Variants in PCDH9 observed in about 807,000 individuals in gnomAD.
The protein encoded by PCDH9 is protocadherin 9, also known as protocadherin-9.
In PCDH9, 24 loss-of-function variants were observed where a neutral mutation model predicts 70.6. The ratio of observed to expected loss-of-function variants is 0.34; its 90% CI spans 0.25 to 0.48. PCDH9 has a LOEUF of 0.48. PCDH9 is among the 20% of genes least tolerant of loss of function. The pLI is 0.99. For missense variants in PCDH9, 1,281 were observed against 1,503.6 expected (o/e 0.85, Z 2.45); for synonymous variants, 562 against 558.5 (o/e 1.01, Z -0.09).
At chr13:67,149,477 T>C (rs1308805080) in intron 2 of PCDH9, among the ~76,000 whole-genome samples, 1 of 151,906 alleles carries the variant, frequency 6.6e-6, no homozygotes, top group African/African-American at 2.4e-5. Context: ...ATATTTATTA[T>C]TGTGATTATC....
At chr13:66,873,318 A>G (rs2081732571) in intron 3 of PCDH9, among the ~76,000 whole-genome samples, 1 of 152,212 alleles carries the variant, frequency 6.6e-6, no homozygotes, top group African/African-American at 2.4e-5. Flanking sequence ...TATATATTTA[A>G]AATATGCATA....
intron 2 of PCDH9, among the ~76,000 whole-genome samples, chr13:67,145,803 G>A (rs1219830994): frequency 1.3e-5 from 2 of 151,894 alleles, no homozygotes; most frequent in Non-Finnish European, 2.9e-5. Context: ...TGAATGAAAA[G>A]TCTTCCTAAA....
chr13:66,336,112 T>C (rs548373632), intron 4 of PCDH9, among the ~76,000 whole-genome samples: 1 of 152,202 alleles, frequency 6.6e-6, no homozygotes, highest in Admixed American at 6.6e-5. Flanking sequence ...AGGCCCCATC[T>C]GAGGACTCTA....
chr13:66,851,073 G>A (rs936234566), intron 3 of PCDH9, among the ~76,000 whole-genome samples: 1 of 152,160 alleles, frequency 6.6e-6, no homozygotes, highest in African/African-American at 2.4e-5. Flanking sequence ...TTTTGAATAT[G>A]AGGCAATGTA....
intron 4 of PCDH9, among the ~76,000 whole-genome samples, chr13:66,622,006 C>T (rs1480299524): frequency 5.3e-5 from 8 of 152,346 alleles, no homozygotes; most frequent in African/African-American, 1.4e-4. Flanking sequence ...GCTGGAGTTC[C>T]GGGTGGGCGT....
intron 2 of PCDH9, among the ~76,000 whole-genome samples, chr13:67,182,536 C>G (rs1243438271): frequency 1.3e-5 from 2 of 151,926 alleles, no homozygotes; most frequent in Non-Finnish European, 2.9e-5. Flanking sequence ...GAAATGTTCT[C>G]TAAAAATAAA....
chr13:66,967,521 T>G (rs1021168639), intron 2 of PCDH9, among the ~76,000 whole-genome samples: 1 of 152,024 alleles, frequency 6.6e-6, no homozygotes, highest in Non-Finnish European at 1.5e-5. Context: ...TGTTTTAGTG[T>G]AATAGAAATT....
At chr13:67,089,550 C>T (rs9571711) in intron 2 of PCDH9, among the ~76,000 whole-genome samples, 53,243 of 151,724 alleles carry the variant, frequency 0.35, 10,256 homozygotes, top group East Asian at 0.59. Context: ...TTGGACTCTG[C>T]CGTCAAGCAA....
chr13:67,073,793 C>T (rs113215949), intron 2 of PCDH9, among the ~76,000 whole-genome samples: 5 of 152,140 alleles, frequency 3.3e-5, no homozygotes, highest in African/African-American at 1.2e-4. Context: ...TTCTTGAATG[C>T]TAACTAGATG....
intron 2 of PCDH9, among the ~76,000 whole-genome samples, chr13:67,108,996 G>A (rs2086603131): frequency 6.6e-6 from 1 of 152,126 alleles, no homozygotes; most frequent in Non-Finnish European, 1.5e-5. Flanking sequence ...AAATCATGTG[G>A]ACTACTTGAA....
At chr13:66,326,302 T>C (rs75981464) in intron 4 of PCDH9, among the ~76,000 whole-genome samples, 2,985 of 152,072 alleles carry the variant, frequency 0.02, 35 homozygotes, top group Middle Eastern at 0.058. Flanking sequence ...TTATAAACCT[T>C]TTGAGATGGA....
chr13:67,062,416 G>T (rs1310478765), intron 2 of PCDH9, among the ~76,000 whole-genome samples: 2 of 152,142 alleles, frequency 1.3e-5, no homozygotes, highest in Non-Finnish European at 2.9e-5. Flanking sequence ...GGAGAAATCT[G>T]CAGAGGATGC....
At chr13:66,517,654 A>T (rs1464947656) in intron 4 of PCDH9, among the ~76,000 whole-genome samples, 1 of 152,140 alleles carries the variant, frequency 6.6e-6, no homozygotes, top group Non-Finnish European at 1.5e-5. Flanking sequence ...AAACTTCTCA[A>T]TCCATTGCCT....
At chr13:66,491,179 T>C (rs957417199) in intron 4 of PCDH9, among the ~76,000 whole-genome samples, 1 of 152,144 alleles carries the variant, frequency 6.6e-6, no homozygotes, top group Non-Finnish European at 1.5e-5. Context: ...CACACTTGGA[T>C]AGGATTCAGA....
intron 2 of PCDH9, among the ~76,000 whole-genome samples, chr13:67,093,377 C>T (rs1386812255): frequency 6.6e-6 from 1 of 152,002 alleles, no homozygotes; most frequent in Non-Finnish European, 1.5e-5. Flanking sequence ...TCTCTTGAAC[C>T]CGGGAGGCAG....
chr13:67,197,762 G>A (rs146986203), intron 2 of PCDH9, among the ~76,000 whole-genome samples: 1,525 of 151,904 alleles, frequency 0.01, 38 homozygotes, highest in African/African-American at 0.035. Context: ...TAAGGCTGTT[G>A]TATATCTCCA....
At chr13:67,182,966 G>A (rs1350759160) in intron 2 of PCDH9, among the ~76,000 whole-genome samples, 3 of 151,966 alleles carry the variant, frequency 2.0e-5, no homozygotes, top group African/African-American at 7.2e-5. Context: ...AACAAGAATG[G>A]CCCTATTACC....
chr13:66,738,948 C>T (rs1480389930), intron 3 of PCDH9, among the ~76,000 whole-genome samples: 1 of 135,826 alleles, frequency 7.4e-6, no homozygotes, highest in African/African-American at 2.7e-5. Flanking sequence ...CTTCCCCAAT[C>T]TAGCAAGGCA....
In PCDH9 at chr13:66,700,969, T is replaced by C. The variant is rs1220085105; in HGVS notation, c.3139-69558A>G. On this transcript the variant is annotated intron_variant, in intron 3 of 4. Transcript: ENST00000377865. ...ATATATATATATATATATATATATA[T>C]ACTTTTTCACAGGTATAGGGCATTA... Among the ~76,000 whole-genome samples the C allele has an allele frequency of 6.4e-3, 768 of 119,582 alleles. 12 individuals are homozygous for C. The highest frequency in any genetic ancestry group is 0.011 in the Non-Finnish European group (614 of 57,118). The allele number at this position is 119,582 out of a possible 152,430, so 78.5% of individuals were successfully genotyped here.
Sources: allele counts gnomAD v4.1 joint callset (sites outside exome capture counted in the v4.1 genomes callset), GRCh38; gene constraint gnomAD v4.1.1; transcripts MANE v1.5; gene names NCBI Gene and HGNC (gene_info 2026-07-23, HGNC 2026-07-21).